Variants in CLECL1 observed in about 807,000 individuals in gnomAD.
CLECL1 encodes the protein C-type lectin like 1.
chr12:9,719,821 T>C (rs1475466843), downstream of CLECL1, among the ~76,000 whole-genome samples: 2 of 152,244 alleles, frequency 1.3e-5, no homozygotes, highest in East Asian at 3.8e-4. Flanking sequence ...TTTAAATTCC[T>C]GTAATGACAG....
the CLECL1 span, among the ~76,000 whole-genome samples, chr12:9,703,405 T>C: frequency 1.5e-5 from 2 of 129,756 alleles, no homozygotes; most frequent in Non-Finnish European, 3.5e-5. Flanking sequence ...TTTATTTATT[T>C]ATTTATTGAG....
At chr12:9,733,234 C>G (rs148811159), upstream of CLECL1, 3 of 1,611,434 alleles carry the variant, frequency 1.9e-6, no homozygotes, top group Non-Finnish European at 2.5e-6. Context: ...TTCTCGAATA[C>G]TTGTATGACA....
chr12:9,712,894 G>C (rs1049073447), downstream of CLECL1, among the ~76,000 whole-genome samples: 1 of 152,036 alleles, frequency 6.6e-6, no homozygotes, highest in African/African-American at 2.4e-5. Context: ...GAAATGTTTA[G>C]ACAAATTAAT....
At chr12:9,726,301 A>G (rs1253572464) in intron 3 of CLECL1, among the ~76,000 whole-genome samples, 3 of 152,070 alleles carry the variant, frequency 2.0e-5, no homozygotes, top group African/African-American at 4.8e-5. Flanking sequence ...TCAAAAGCCA[A>G]TAAGTTTGAA....
chr12:9,720,182 C>T (rs1218527256), downstream of CLECL1, among the ~76,000 whole-genome samples: 1 of 152,102 alleles, frequency 6.6e-6, no homozygotes, highest in Non-Finnish European at 1.5e-5. Flanking sequence ...GATTTTGTGT[C>T]TTGGCACTTT....
At chr12:9,703,332 A>T in the CLECL1 span, among the ~76,000 whole-genome samples, 3 of 152,116 alleles carry the variant, frequency 2.0e-5, no homozygotes, top group Non-Finnish European at 4.4e-5. Context: ...AAATATTTAT[A>T]TATACACACA....
chr12:9,711,300 T>G (rs1328135033), downstream of CLECL1, among the ~76,000 whole-genome samples: 1 of 152,200 alleles, frequency 6.6e-6, no homozygotes, highest in Non-Finnish European at 1.5e-5. Flanking sequence ...TGGGTAATTT[T>G]CTGGCTTATA....
chr12:9,722,906 T>C, intron 3 of CLECL1, 93 bp from the exon 2 acceptor site: 3 of 856,214 alleles, frequency 3.5e-6, no homozygotes, highest in South Asian at 4.7e-5. Context: ...GGTTATATTA[T>C]GTGCTAAGCT....
intron 3 of CLECL1, among the ~76,000 whole-genome samples, chr12:9,724,152 G>A (rs1398322307): frequency 1.4e-5 from 2 of 146,002 alleles, no homozygotes; most frequent in East Asian, 4.0e-4. Context: ...ATGTCACACT[G>A]CACTCCAGCC....
At chr12:9,718,108 G>T (rs7964917), downstream of CLECL1, among the ~76,000 whole-genome samples, 35,628 of 151,566 alleles carry the variant, frequency 0.24, 5,606 homozygotes, top group African/African-American at 0.45. Flanking sequence ...AAATATTTAG[G>T]CATTTTCCAA....
downstream of CLECL1, among the ~76,000 whole-genome samples, chr12:9,719,109 C>G (rs1193332286): frequency 6.6e-6 from 1 of 152,194 alleles, no homozygotes; most frequent in Non-Finnish European, 1.5e-5. Flanking sequence ...AGGTCCTTCT[C>G]CTAGGTCTTT....
the CLECL1 span, among the ~76,000 whole-genome samples, chr12:9,705,420 G>T: frequency 6.6e-6 from 1 of 152,076 alleles, no homozygotes; most frequent in Admixed American, 6.5e-5. Context: ...GATCCCATTT[G>T]TCAATCTTTC....
chr12:9,731,524 G>A (rs1242560959), intron 1 of CLECL1, among the ~76,000 whole-genome samples: 1 of 152,164 alleles, frequency 6.6e-6, no homozygotes, highest in Non-Finnish European at 1.5e-5. Flanking sequence ...GACTCTGTAT[G>A]TAAGACAACA....
At chr12:9,726,559 G>T (rs1334192143) in intron 3 of CLECL1, among the ~76,000 whole-genome samples, 1 of 151,940 alleles carries the variant, frequency 6.6e-6, no homozygotes, top group Non-Finnish European at 1.5e-5. Flanking sequence ...ATTAGAGAAA[G>T]AATTTGGAAT....
the CLECL1 span, among the ~76,000 whole-genome samples, chr12:9,706,452 C>A: frequency 6.6e-6 from 1 of 152,134 alleles, no homozygotes; most frequent in Non-Finnish European, 1.5e-5. Context: ...AAGGGGAATT[C>A]TTTGAGCTTT....
chr12:9,714,225 G>A (rs1866218194), downstream of CLECL1, among the ~76,000 whole-genome samples: 1 of 152,222 alleles, frequency 6.6e-6, no homozygotes, highest in South Asian at 2.1e-4. Context: ...TGGGTCCATA[G>A]TATTGTATGA....
chr12:9,725,541 T>C (rs1179729677), intron 3 of CLECL1, among the ~76,000 whole-genome samples: 2 of 104,084 alleles, frequency 1.9e-5, no homozygotes, highest in South Asian at 3.2e-4. Context: ...TTTGATATCA[T>C]AGAATATAAA....
downstream of CLECL1, among the ~76,000 whole-genome samples, chr12:9,721,192 T>C (rs185392297): frequency 1.1e-3 from 164 of 151,878 alleles, no homozygotes; most frequent in Admixed American, 1.6e-3. Flanking sequence ...TGATGACACT[T>C]GGATACCCTA....
downstream of CLECL1, chr12:9,722,400 A>G (rs1219585421): frequency 7.0e-6 from 4 of 569,748 alleles, no homozygotes; most frequent in Admixed American, 1.3e-4. Flanking sequence ...TCTGCTAAGA[A>G]GCAATGGTCC....
Sources: allele counts gnomAD v4.1 joint callset (sites outside exome capture counted in the v4.1 genomes callset), GRCh38; gene constraint gnomAD v4.1.1; transcripts MANE v1.5; gene names NCBI Gene and HGNC (gene_info 2026-07-23, HGNC 2026-07-21).